PVT1: variants seen among roughly 807,000 people sequenced by gnomAD.
PVT1 encodes CXCR4/PVT1 fusion.
At chr8:128,013,177 C>A (rs1482873328) in intron 4 of PVT1, among the ~76,000 whole-genome samples, 1 of 152,168 alleles carries the variant, frequency 6.6e-6, no homozygotes, top group African/African-American at 2.4e-5. Flanking sequence ...AAAGGCCACC[C>A]CCCCTTCCCT....
intron 4 of PVT1, among the ~76,000 whole-genome samples, chr8:128,034,645 C>T (rs1010125089): frequency 6.6e-6 from 1 of 152,128 alleles, no homozygotes; most frequent in Non-Finnish European, 1.5e-5. Context: ...GCAGGGGCAC[C>T]CTTAGTTCAG....
intron 2 of PVT1, among the ~76,000 whole-genome samples, chr8:127,825,727 G>A (rs371308451): frequency 1.2e-4 from 19 of 152,246 alleles, no homozygotes; most frequent in East Asian, 1.2e-3. Flanking sequence ...GTTCCTAGCC[G>A]CGTCACTCAA....
chr8:127,936,340 C>T (rs1212429182), intron 3 of PVT1, among the ~76,000 whole-genome samples: 1 of 152,088 alleles, frequency 6.6e-6, no homozygotes, highest in Non-Finnish European at 1.5e-5. Context: ...GCGTGAGCCA[C>T]CCCACCTGGT....
chr8:127,852,698 T>A (rs745797284), intron 2 of PVT1, among the ~76,000 whole-genome samples: 3 of 152,310 alleles, frequency 2.0e-5, no homozygotes, highest in Middle Eastern at 3.4e-3. Context: ...GCTCAATAAA[T>A]GTGAGCTGAT....
chr8:127,844,390 G>A (rs1038212106), intron 2 of PVT1, among the ~76,000 whole-genome samples: 1 of 152,180 alleles, frequency 6.6e-6, no homozygotes, highest in Non-Finnish European at 1.5e-5. Flanking sequence ...GTGCTCTTGG[G>A]TGGGTATGTT....
chr8:128,076,607 GT>G (rs1250163152), intron 5 of PVT1, among the ~76,000 whole-genome samples: 2 of 152,206 alleles, frequency 1.3e-5, no homozygotes, highest in African/African-American at 4.8e-5. Context: ...CTAGCTGTGT[GT>G]TCTTAGGCGA....
At chr8:127,954,478 A>T (rs568392006) in intron 3 of PVT1, among the ~76,000 whole-genome samples, 1 of 152,136 alleles carries the variant, frequency 6.6e-6, no homozygotes, top group Non-Finnish European at 1.5e-5. Flanking sequence ...TATTTTTAGT[A>T]GAGATGGGGT....
chr8:128,077,708 C>T (rs571391422), intron 5 of PVT1, among the ~76,000 whole-genome samples: 1 of 152,292 alleles, frequency 6.6e-6, no homozygotes, highest in South Asian at 2.1e-4. Flanking sequence ...TCAGCAGCTG[C>T]CTTCCTCATT....
chr8:127,962,574 G>A (rs1563651497), intron 3 of PVT1, among the ~76,000 whole-genome samples: 1 of 152,102 alleles, frequency 6.6e-6, no homozygotes, highest in Non-Finnish European at 1.5e-5. Context: ...CCAGGTTGCG[G>A]TTTTTGTCCT....
intron 2 of PVT1, among the ~76,000 whole-genome samples, chr8:127,843,662 G>C (rs1360323242): frequency 6.6e-6 from 1 of 151,780 alleles, no homozygotes; most frequent in Admixed American, 6.6e-5. Context: ...AGCCAGGAGG[G>C]TCTCGATCTC....
At chr8:127,919,039 T>C (rs1340087441) in intron 3 of PVT1, among the ~76,000 whole-genome samples, 2 of 152,224 alleles carry the variant, frequency 1.3e-5, no homozygotes, top group Non-Finnish European at 1.5e-5. Context: ...AGATGACCGC[T>C]GTCAGGTTGG....
chr8:127,993,497 C>T (rs1817067031), intron 4 of PVT1, among the ~76,000 whole-genome samples: 1 of 152,216 alleles, frequency 6.6e-6, no homozygotes, highest in South Asian at 2.1e-4. Context: ...AATTCTTATC[C>T]TCTCTCCGGG....
rs560750153 is a variant in PVT1, at chr8:127,939,200, A to G, written n.782+48202A>G. On this transcript the variant is annotated intron_variant and non_coding_transcript_variant, in intron 3 of 10. Coordinates refer to ENST00000651587, the Ensembl canonical transcript of PVT1. ...CCTCACCTGCCTTCTCACTTGACCA[A>G]CATATTTTAAGGGCTCCATGTACAA... 9.2e-5 allele frequency among the ~76,000 whole-genome samples: 14 copies of G among 152,250 alleles called. No homozygotes were observed. The South Asian group carries it at 2.9e-3, about 32-fold the overall frequency.
At chr8:127,953,166 T>C (rs1431135256) in intron 3 of PVT1, among the ~76,000 whole-genome samples, 4 of 152,224 alleles carry the variant, frequency 2.6e-5, no homozygotes, top group African/African-American at 4.8e-5. Flanking sequence ...TCTGAACTGA[T>C]GGTTATGGCA....
intron 3 of PVT1, among the ~76,000 whole-genome samples, chr8:127,944,705 G>T (rs1015489394): frequency 1.3e-5 from 2 of 152,170 alleles, no homozygotes; most frequent in African/African-American, 4.8e-5. Context: ...GGGAAGAAGC[G>T]TGGCCATATG....
intron 2 of PVT1, among the ~76,000 whole-genome samples, chr8:127,868,025 T>C (rs77973973): frequency 0.013 from 1,951 of 152,378 alleles, 45 homozygotes; most frequent in African/African-American, 0.045. Flanking sequence ...GTTTTTTTCC[T>C]TGACTTTTAA....
rs202010788 is a variant in PVT1, at chr8:127,881,364, C to CTTA, written n.373-9211_373-9209dup. ...CTCCAGTGGACACATGTTTCTATTC[C>CTTA]TTATTATTATTATTATCATTTGTTT... On this transcript the variant is annotated intron_variant and non_coding_transcript_variant, in intron 2 of 10. Transcript: ENST00000651587. Among the ~76,000 whole-genome samples the CTTA allele has an allele frequency of 2.7e-5, 4 of 149,802 alleles. No homozygotes were observed. In the Admixed American group the frequency reaches 2.7e-4, roughly 10 times the overall value.
intron 4 of PVT1, among the ~76,000 whole-genome samples, chr8:127,995,174 C>A (rs184921373): frequency 1.4e-4 from 21 of 152,256 alleles, no homozygotes; most frequent in Admixed American, 7.8e-4. Context: ...CCCAGCTGAC[C>A]CCTTTGATCC....
At chr8:128,077,924 G>A (rs1814112078) in intron 5 of PVT1, among the ~76,000 whole-genome samples, 1 of 152,072 alleles carries the variant, frequency 6.6e-6, no homozygotes, top group Admixed American at 6.6e-5. Flanking sequence ...TGGTGGATGG[G>A]GTAGAAACAA....
Sources: gnomAD v4.1 joint callset for allele counts (sites outside exome capture counted in the v4.1 genomes callset) on GRCh38, gnomAD v4.1.1 for gene constraint, MANE v1.5 for transcripts, NCBI Gene and HGNC (gene_info 2026-07-23, HGNC 2026-07-21) for gene names.